BAZ2B: variants seen among roughly 807,000 people sequenced by gnomAD.
BAZ2B encodes bromodomain adjacent to zinc finger domain protein 2B.
Under a neutral mutation model 246.0 loss-of-function variants are expected in BAZ2B, and 91 were observed. That is an observed-to-expected ratio of 0.37 (90% CI 0.31 to 0.44). The LOEUF (loss-of-function observed/expected upper bound fraction) is 0.44, where lower values mean the gene tolerates loss of function less well. Ranked by LOEUF, BAZ2B falls within the 20% of genes least tolerant of loss-of-function variation. The pLI is 1.00. For missense variants in BAZ2B, 2,332 were observed against 2,533.7 expected (o/e 0.92, Z 1.71); for synonymous variants, 855 against 860.0 (o/e 0.99, Z 0.10).
At chr2:159,634,940 G>C in the BAZ2B span, among the ~76,000 whole-genome samples, 1 of 152,106 alleles carries the variant, frequency 6.6e-6, no homozygotes, top group African/African-American at 2.4e-5. Flanking sequence ...TATCTTTGGA[G>C]AAACAAAACA....
At chr2:159,356,460 G>GC (rs1168449379) in intron 27 of BAZ2B, among the ~76,000 whole-genome samples, 4 of 152,194 alleles carry the variant, frequency 2.6e-5, no homozygotes, top group Admixed American at 2.6e-4. Context: ...TCTGGACAGG[G>GC]CATCTCTTAA....
At chr2:159,479,557 T>A (rs531876006) in intron 2 of BAZ2B, among the ~76,000 whole-genome samples, 41 of 152,300 alleles carry the variant, frequency 2.7e-4, no homozygotes, top group African/African-American at 9.9e-4. Context: ...GAATTTATGA[T>A]CAGCCACATG....
At chr2:159,337,801 G>A (rs762339227) in intron 31 of BAZ2B, 29 bp from the exon 32 acceptor site, 44 of 1,587,428 alleles carry the variant, frequency 2.8e-5, no homozygotes, top group Non-Finnish European at 3.8e-5. Flanking sequence ...GTGTTATTAT[G>A]GTTTCCTCTT....
chr2:159,355,120 T>C (rs758608027), intron 27 of BAZ2B, among the ~76,000 whole-genome samples: 27 of 152,270 alleles, frequency 1.8e-4, no homozygotes, highest in Non-Finnish European at 3.1e-4. Context: ...GCTAAAACTT[T>C]CAGAGAGTTT....
the BAZ2B span, among the ~76,000 whole-genome samples, chr2:159,709,276 A>G: frequency 6.6e-6 from 1 of 151,608 alleles, no homozygotes; most frequent in African/African-American, 2.4e-5. Flanking sequence ...GTAGAATGAT[A>G]GTTATCAGAG....
chr2:159,510,322 C>G (rs1473180646), intron 2 of BAZ2B, among the ~76,000 whole-genome samples: 1 of 152,026 alleles, frequency 6.6e-6, no homozygotes, highest in Non-Finnish European at 1.5e-5. Context: ...TGCCACCATG[C>G]CCAGCTATTT....
the BAZ2B span, among the ~76,000 whole-genome samples, chr2:159,622,084 C>G: frequency 6.7e-6 from 1 of 149,296 alleles, no homozygotes; most frequent in African/African-American, 2.5e-5. Flanking sequence ...CCAGCCTGGG[C>G]AACAAGAGCG....
chr2:159,476,021 G>A (rs990292424), intron 3 of BAZ2B, among the ~76,000 whole-genome samples: 6 of 152,164 alleles, frequency 3.9e-5, no homozygotes, highest in Admixed American at 1.3e-4. Context: ...ACGGGGGTCA[G>A]GGACCCACTT....
chr2:159,485,872 CTTG>C (rs561532905), intron 2 of BAZ2B, among the ~76,000 whole-genome samples: 21 of 152,048 alleles, frequency 1.4e-4, no homozygotes, highest in Middle Eastern at 6.8e-3. Flanking sequence ...AAGATTTACT[CTTG>C]TTGTACTTCT....
intron 2 of BAZ2B, among the ~76,000 whole-genome samples, chr2:159,499,920 C>A (rs1469910773): frequency 6.6e-6 from 1 of 152,120 alleles, no homozygotes; most frequent in African/African-American, 2.4e-5. Flanking sequence ...GGATATTAGA[C>A]CCTTGTCAGT....
chr2:159,612,398 C>A (rs1316746570), intron 1 of BAZ2B, among the ~76,000 whole-genome samples: 12 of 152,000 alleles, frequency 7.9e-5, no homozygotes, highest in Admixed American at 7.9e-4. Flanking sequence ...CCCAGGAAAT[C>A]AAATATATTA....
rs530007206 is a variant in BAZ2B, at chr2:159,574,735, C to T, written c.-45-18870G>A. Reference sequence around the variant, plus strand: ...GCGCGGTGGCTCACGCCTGTAATCCCGGCACTTTGGGAGGCTGAGGCAGGT... The same window carrying T: ...GCGCGGTGGCTCACGCCTGTAATCCTGGCACTTTGGGAGGCTGAGGCAGGT... On this transcript the variant is annotated intron_variant, in intron 1 of 36. Transcript: ENST00000392783. Among the ~76,000 whole-genome samples, 14 of 152,086 alleles carry T rather than the reference C, an allele frequency of 9.2e-5. 1 individual carries two copies. Among genetic ancestry groups the T allele is most frequent in the Middle Eastern group, 3.4e-3 (1 of 292 alleles).
the BAZ2B span, chr2:159,712,025 T>TA: frequency 7.2e-6 from 1 of 139,414 alleles, no homozygotes; most frequent in African/African-American, 2.7e-5. Context: ...CGGGGAGGGG[T>TA]AGGTCGGAAA....
At chr2:159,421,683 A>G (rs1335280996) in intron 13 of BAZ2B, among the ~76,000 whole-genome samples, 2 of 152,186 alleles carry the variant, frequency 1.3e-5, no homozygotes, top group Admixed American at 1.3e-4. Flanking sequence ...AAATACATAT[A>G]TAATCATATC....
chr2:159,587,360 A>G (rs902853294), intron 1 of BAZ2B, among the ~76,000 whole-genome samples: 1 of 152,092 alleles, frequency 6.6e-6, no homozygotes, highest in Admixed American at 6.6e-5. Flanking sequence ...GATTACAGGC[A>G]CGAGCCACCA....
chr2:159,506,383 A>G (rs1012599307), intron 2 of BAZ2B, among the ~76,000 whole-genome samples: 7 of 152,192 alleles, frequency 4.6e-5, no homozygotes, highest in African/African-American at 1.7e-4. Context: ...GCTGTATTAC[A>G]CTAGGATAAA....
the BAZ2B span, among the ~76,000 whole-genome samples, chr2:159,700,091 T>G: frequency 6.6e-6 from 1 of 152,194 alleles, no homozygotes; most frequent in Admixed American, 6.5e-5. Context: ...CTCTTAACTA[T>G]CACATTGGTA....
At chr2:159,315,376 G>A (rs2062016068), downstream of BAZ2B, among the ~76,000 whole-genome samples, 2 of 152,190 alleles carry the variant, frequency 1.3e-5, no homozygotes, top group South Asian at 4.1e-4. Flanking sequence ...ATCAGGAGTG[G>A]CTTAGCTGGA....
the BAZ2B span, among the ~76,000 whole-genome samples, chr2:159,650,539 C>G: frequency 6.6e-6 from 1 of 152,142 alleles, no homozygotes; most frequent in Non-Finnish European, 1.5e-5. Context: ...GTGAGAACTG[C>G]GTACAGTCTT....
Sources: gnomAD v4.1 joint callset for allele counts (sites outside exome capture counted in the v4.1 genomes callset) on GRCh38, gnomAD v4.1.1 for gene constraint, MANE v1.5 for transcripts, NCBI Gene and HGNC (gene_info 2026-07-23, HGNC 2026-07-21) for gene names.